Variants in ITPR2 observed in about 807,000 individuals in gnomAD.
The protein encoded by ITPR2 is inositol 1,4,5-trisphosphate-gated calcium channel ITPR2.
In ITPR2, 207 loss-of-function variants were observed where a neutral mutation model predicts 317.1. That is an observed-to-expected ratio of 0.65 (90% CI 0.58 to 0.73). The LOEUF (loss-of-function observed/expected upper bound fraction) is 0.73, where lower values mean the gene tolerates loss of function less well. ITPR2 is among the 30% of genes least tolerant of loss of function. ITPR2 has a pLI of 0.00. For synonymous variants in ITPR2, 1,156 were observed against 1,149.1 expected, an observed-to-expected ratio of 1.01 and a Z score of -0.12; for missense variants, 2,613 against 3,284.0, an observed-to-expected ratio of 0.80 and a Z score of 4.99.
chr12:26,507,205 A>G (rs1255433473), intron 37 of ITPR2, among the ~76,000 whole-genome samples: 1 of 152,228 alleles, frequency 6.6e-6, no homozygotes, highest in Non-Finnish European at 1.5e-5. Flanking sequence ...ACAATGATTT[A>G]GAACTAATGA....
At chr12:26,787,985 CG>C (rs1410957841) in intron 2 of ITPR2, among the ~76,000 whole-genome samples, 1 of 139,728 alleles carries the variant, frequency 7.2e-6, no homozygotes, top group Non-Finnish European at 1.5e-5. Context: ...AGTGCAATGG[CG>C]CGATCTCGGC....
At chr12:26,373,388 C>T (rs754755586) in intron 55 of ITPR2, among the ~76,000 whole-genome samples, 88 of 152,258 alleles carry the variant, frequency 5.8e-4, no homozygotes, top group African/African-American at 1.9e-3. Flanking sequence ...TATATCACAA[C>T]CTGTTGCCAA....
intron 9 of ITPR2, among the ~76,000 whole-genome samples, chr12:26,706,677 T>G (rs934314314): frequency 6.6e-6 from 1 of 152,132 alleles, no homozygotes; most frequent in African/African-American, 2.4e-5. Flanking sequence ...TGTACTGGGA[T>G]TTTTTTAATG....
At chr12:26,813,152 T>A (rs566886349) in intron 1 of ITPR2, among the ~76,000 whole-genome samples, 1 of 152,354 alleles carries the variant, frequency 6.6e-6, no homozygotes, top group Non-Finnish European at 1.5e-5. Context: ...AAATTATATT[T>A]GTTTTACTGG....
At chr12:26,749,117 A>C (rs751406008) in intron 2 of ITPR2, among the ~76,000 whole-genome samples, 5 of 152,210 alleles carry the variant, frequency 3.3e-5, no homozygotes, top group Non-Finnish European at 7.4e-5. Context: ...TGATTTCCCT[A>C]TTAACCATTT....
intron 37 of ITPR2, among the ~76,000 whole-genome samples, chr12:26,499,510 T>C (rs1157281897): frequency 6.6e-6 from 1 of 152,232 alleles, no homozygotes; most frequent in African/African-American, 2.4e-5. Context: ...AAATTGTTAA[T>C]ATCTACTCTC....
At chr12:26,573,879 A>G (rs556886055) in intron 34 of ITPR2, among the ~76,000 whole-genome samples, 1 of 152,306 alleles carries the variant, frequency 6.6e-6, no homozygotes, top group East Asian at 1.9e-4. Context: ...TGGGTGAGTG[A>G]CATGCTCAGG....
intron 26 of ITPR2, among the ~76,000 whole-genome samples, chr12:26,612,929 G>A (rs895177366): frequency 6.6e-6 from 1 of 152,174 alleles, no homozygotes; most frequent in Non-Finnish European, 1.5e-5. Flanking sequence ...AGGCCTATGC[G>A]CAGAATCTGG....
intron 55 of ITPR2, among the ~76,000 whole-genome samples, chr12:26,385,530 T>C (rs1316924522): frequency 6.6e-6 from 1 of 152,142 alleles, no homozygotes; most frequent in Non-Finnish European, 1.5e-5. Flanking sequence ...GTCACATTAT[T>C]CCCTTAGTTA....
intron 34 of ITPR2, 46 bp from the exon 35 acceptor site, chr12:26,561,998 G>A: frequency 1.5e-6 from 2 of 1,315,718 alleles, no homozygotes; most frequent in Non-Finnish European, 1.0e-6. Flanking sequence ...TTTGACTAAA[G>A]TTTCTTACAT....
chr12:26,430,937 A>G (rs1941188256), intron 48 of ITPR2, among the ~76,000 whole-genome samples: 1 of 152,170 alleles, frequency 6.6e-6, no homozygotes, highest in Non-Finnish European at 1.5e-5. Context: ...CCTCTGCCTC[A>G]GTCCAGCTAA....
chr12:26,398,683 T>C (rs1940079715), intron 54 of ITPR2, among the ~76,000 whole-genome samples, 193 bp downstream of exon 54: 1 of 152,210 alleles, frequency 6.6e-6, no homozygotes, highest in South Asian at 2.1e-4. Context: ...AGGATAGCTT[T>C]GGGGTATAAT....
chr12:26,635,516 C>G (rs181755954), intron 21 of ITPR2, among the ~76,000 whole-genome samples: 14 of 152,314 alleles, frequency 9.2e-5, no homozygotes, highest in African/African-American at 3.4e-4. Context: ...TAATTGTTCA[C>G]AGTCATTTAA....
At chr12:26,554,542 T>C (rs1056851954) in intron 36 of ITPR2, among the ~76,000 whole-genome samples, 2 of 152,332 alleles carry the variant, frequency 1.3e-5, no homozygotes, top group East Asian at 3.9e-4. Context: ...GAATGAGCAC[T>C]ACTGTATTTC....
Position 26,509,091 on chromosome 12 carries a change from T to C in ITPR2, c.5074-13831A>G, listed in dbSNP as rs80067257. On this transcript the variant is annotated intron_variant, in intron 37 of 56. Coordinates refer to ENST00000381340, the MANE Select transcript of ITPR2 (RefSeq NM_002223.4). ...TGAAGTGCTGACACCTGCTAGAACA[T>C]GTATGAGCCTTGAAAACATTATGCC... is the stretch of plus-strand genomic sequence containing the variant. 5.5e-3 allele frequency among the ~76,000 whole-genome samples: 836 copies of C among 152,312 alleles called. 9 individuals are homozygous for C. The highest frequency in any genetic ancestry group is 0.019 in the African/African-American group (795 of 41,566).
chr12:26,756,377 T>C (rs1246038283), intron 2 of ITPR2, among the ~76,000 whole-genome samples: 3 of 152,210 alleles, frequency 2.0e-5, no homozygotes, highest in South Asian at 2.1e-4. Context: ...TGTGCATATA[T>C]TGGAATTGGC....
At chr12:26,342,047 G>T (rs1591947466) in intron 55 of ITPR2, among the ~76,000 whole-genome samples, 2 of 152,322 alleles carry the variant, frequency 1.3e-5, no homozygotes, top group African/African-American at 4.8e-5. Flanking sequence ...CCTAACAGGG[G>T]CCCATGAAAT....
At chr12:26,801,319 T>A (rs1950552367) in intron 1 of ITPR2, 1 of 172,276 alleles carries the variant, frequency 5.8e-6, no homozygotes. Context: ...TGGCAAATGA[T>A]CCCCATTTAA....
At chr12:26,592,360 C>T (rs1591938746) in intron 32 of ITPR2, among the ~76,000 whole-genome samples, 1 of 152,244 alleles carries the variant, frequency 6.6e-6, no homozygotes, top group East Asian at 1.9e-4. Context: ...AGAGTGACTA[C>T]AGTCAACAAT....
Sources: allele counts gnomAD v4.1 joint callset (sites outside exome capture counted in the v4.1 genomes callset), GRCh38; gene constraint gnomAD v4.1.1; transcripts MANE v1.5; gene names NCBI Gene and HGNC (gene_info 2026-07-23, HGNC 2026-07-21).